AFF3: variants seen among roughly 807,000 people sequenced by gnomAD.
The protein encoded by AFF3 is ALF transcription elongation factor 3, also known as AF4/FMR2 family member 3.
Under a neutral mutation model 129.7 loss-of-function variants are expected in AFF3, and 32 were observed. The ratio of observed to expected loss-of-function variants is 0.25; its 90% confidence interval spans 0.19 to 0.33. The LOEUF is 0.33. Among genes scored for constraint, AFF3 ranks in the 10% least tolerant of loss-of-function variants. The probability of loss-of-function intolerance (pLI) is 1.00; values close to 1 mark genes in which losing one functional copy is unlikely to be tolerated. For missense variants in AFF3, 1,373 were observed against 1,592.0 expected (o/e 0.86, Z 2.34); for synonymous variants, 644 against 635.4 (o/e 1.01, Z -0.20).
chr2:100,074,133 G>C (rs1236669902), intron 4 of AFF3, among the ~76,000 whole-genome samples: 1 of 152,160 alleles, frequency 6.6e-6, no homozygotes, highest in Non-Finnish European at 1.5e-5. Flanking sequence ...CATCCGTCAG[G>C]TGTCTCAGGC....
chr2:99,793,591 T>C (rs1192647048), intron 8 of AFF3, among the ~76,000 whole-genome samples: 1 of 152,230 alleles, frequency 6.6e-6, no homozygotes, highest in Non-Finnish European at 1.5e-5. Context: ...CCTTTATTTA[T>C]TCTTCTAATG....
rs760665941 is a variant in AFF3 at position 100,056,061 on chromosome 2, T to TCACACACACACA, written c.54-47130_54-47129insTGTGTGTGTGTG. 1.2e-3 allele frequency among the ~76,000 whole-genome samples: 159 copies of TCACACACACACA among 133,520 alleles called. 2 individuals are homozygous for TCACACACACACA. Among genetic ancestry groups the TCACACACACACA allele is most frequent in the African/African-American group, 4.3e-3 (144 of 33,860 alleles). The allele number at this position is 133,520 out of a possible 152,430, so 87.6% of individuals were successfully genotyped here. ...ACAAAAAAAAAAATCGCTGTCTCTCTCTCACACACACACACACACACACAC... is the reference window on the plus strand; with the variant it reads ...ACAAAAAAAAAAATCGCTGTCTCTCTCACACACACACACTCACACACACACACACACACACAC... On this transcript the variant is annotated intron_variant, in intron 4 of 24. Coordinates refer to ENST00000672756, the MANE Select transcript of AFF3 (RefSeq NM_001386135.1).
At chr2:99,852,741 G>A (rs1428768492) in intron 7 of AFF3, among the ~76,000 whole-genome samples, 1 of 152,094 alleles carries the variant, frequency 6.6e-6, no homozygotes, top group Admixed American at 6.5e-5. Flanking sequence ...TAAAAAGGCT[G>A]GTCTGATCAT....
chr2:99,572,293 A>ACCCCC (rs71376487), intron 18 of AFF3, among the ~76,000 whole-genome samples: 4 of 43,194 alleles, frequency 9.3e-5, no homozygotes, highest in Admixed American at 3.4e-4. Context: ...CCCTCCCACC[A>ACCCCC]CCCCCCCCCC....
rs12328832 is a variant in AFF3 at position 99,679,766 on chromosome 2, C to T, written c.1092-7177G>A. 6.8e-4 allele frequency among the ~76,000 whole-genome samples: 104 copies of T among 152,308 alleles called. 1 individual carries two copies. The highest frequency in any genetic ancestry group is 2.4e-3 in the African/African-American group (100 of 41,564). ...ACTAGCTCTGTGAACTTAGGCAAAT[C>T]ACCCACTTCCCCTAGACATTGTTTC... On this transcript the variant is annotated intron_variant, in intron 11 of 24. Coordinates refer to ENST00000672756, the MANE Select transcript of AFF3 (RefSeq NM_001386135.1).
chr2:99,890,140 C>A (rs969295959), intron 7 of AFF3, among the ~76,000 whole-genome samples: 7 of 152,150 alleles, frequency 4.6e-5, no homozygotes, highest in Non-Finnish European at 8.8e-5. Context: ...GGTACATGTA[C>A]CAGCATACGC....
At chr2:99,690,024 T>G (rs1361379317) in intron 11 of AFF3, among the ~76,000 whole-genome samples, 3 of 146,750 alleles carry the variant, frequency 2.0e-5, no homozygotes, top group African/African-American at 7.6e-5. Context: ...GAGGTGGAGG[T>G]TGCAGTGAGC....
intron 20 of AFF3, 60 bp downstream of exon 20, chr2:99,565,427 A>G: frequency 6.3e-7 from 1 of 1,591,618 alleles, no homozygotes; most frequent in Non-Finnish European, 8.6e-7. Flanking sequence ...CTCTGTAACC[A>G]TAGTGCTTCC....
chr2:99,859,542 C>T (rs72951661), intron 7 of AFF3, among the ~76,000 whole-genome samples: 5,978 of 152,244 alleles, frequency 0.039, 428 homozygotes, highest in African/African-American at 0.14. Context: ...TAAGCCAATA[C>T]CTAATCCTAG....
At chr2:99,619,093 G>C (rs1447027194) in intron 13 of AFF3, among the ~76,000 whole-genome samples, 3 of 152,178 alleles carry the variant, frequency 2.0e-5, no homozygotes, top group Non-Finnish European at 4.4e-5. Flanking sequence ...TCCCAAGAGA[G>C]ACTGCAAGGA....
At chr2:99,786,874 G>A (rs1171501812) in intron 8 of AFF3, among the ~76,000 whole-genome samples, 2 of 152,048 alleles carry the variant, frequency 1.3e-5, no homozygotes, top group Non-Finnish European at 2.9e-5. Flanking sequence ...ATTAGTACGA[G>A]TATTTTTATT....
intron 8 of AFF3, 22 bp downstream of exon 8, chr2:99,837,455 A>G: frequency 6.2e-7 from 1 of 1,607,140 alleles, no homozygotes; most frequent in South Asian, 1.1e-5. Flanking sequence ...GATTGATAAG[A>G]CTGTTTAAAG....
intron 4 of AFF3, among the ~76,000 whole-genome samples, chr2:100,059,541 G>A (rs1048141332): frequency 2.6e-5 from 4 of 152,086 alleles, no homozygotes; most frequent in Admixed American, 1.3e-4. Context: ...CTAAAATTAT[G>A]GTGATGGCTG....
chr2:99,577,016 C>T (rs1466031627), intron 18 of AFF3, among the ~76,000 whole-genome samples: 2 of 152,014 alleles, frequency 1.3e-5, no homozygotes, highest in African/African-American at 2.4e-5. Context: ...TGGGGTGGGA[C>T]GCAGCTGCCA....
intron 7 of AFF3, among the ~76,000 whole-genome samples, chr2:99,853,045 T>C (rs773630834): frequency 1.3e-5 from 2 of 152,312 alleles, no homozygotes; most frequent in African/African-American, 4.8e-5. Flanking sequence ...CATGGCAGTA[T>C]TGCAAAATGC....
chr2:99,751,734 G>T (rs2105201134), intron 9 of AFF3, among the ~76,000 whole-genome samples: 1 of 151,970 alleles, frequency 6.6e-6, no homozygotes, highest in Middle Eastern at 3.4e-3. Context: ...CCAATTTTTT[G>T]GTGTGCTTTT....
chr2:100,059,615 A>G lies in AFF3; in HGVS notation c.53+44787T>C, dbSNP rs565913365. Among the ~76,000 whole-genome samples, 7 of 152,356 alleles carry G rather than the reference A, an allele frequency of 4.6e-5. No homozygotes were observed. The South Asian group carries it at 1.0e-3, about 23-fold the overall frequency. On this transcript the variant is annotated intron_variant, in intron 4 of 24. Coordinates refer to ENST00000672756, the MANE Select transcript of AFF3 (RefSeq NM_001386135.1). ...ACTTTATATAGATGAGGTGTATGGT[A>G]TGTGAATTATATCTGAATATAGCCA...
chr2:99,782,816 T>C (rs1247172412), intron 8 of AFF3, among the ~76,000 whole-genome samples: 1 of 152,234 alleles, frequency 6.6e-6, no homozygotes, highest in East Asian at 1.9e-4. Context: ...TATTTTAAAC[T>C]AATGGCATTT....
chr2:99,871,483 G>A (rs939110118), intron 7 of AFF3, among the ~76,000 whole-genome samples: 1 of 152,116 alleles, frequency 6.6e-6, no homozygotes, highest in Admixed American at 6.5e-5. Flanking sequence ...ACCCAGATAA[G>A]GTGATAAAAT....
Sources: gnomAD v4.1 joint callset for allele counts (sites outside exome capture counted in the v4.1 genomes callset) on GRCh38, gnomAD v4.1.1 for gene constraint, MANE v1.5 for transcripts, NCBI Gene and HGNC (gene_info 2026-07-23, HGNC 2026-07-21) for gene names.